The following NADSYN1 variants were observed in gnomAD, a reference collection of about 807,000 sequenced individuals.
The protein encoded by NADSYN1 is glutamine-dependent NAD(+) synthetase.
NADSYN1 carries 80 observed loss-of-function variants against 99.3 expected under a neutral mutation model. That is an observed-to-expected ratio of 0.81 (90% CI 0.67 to 0.97). NADSYN1 has a LOEUF of 0.97. NADSYN1 is among the 50% of genes least tolerant of loss of function. The probability of loss-of-function intolerance (pLI) is 0.00; values close to 1 mark genes in which losing one functional copy is unlikely to be tolerated. For missense variants in NADSYN1, 859 were observed against 948.5 expected, an observed-to-expected ratio of 0.91 and a Z score of 1.24; for synonymous variants, 385 against 372.1, an observed-to-expected ratio of 1.03 and a Z score of -0.40.
intron 3 of NADSYN1, chr11:71,460,592 TGTTG>T (rs1315605298): frequency 3.9e-5 from 6 of 152,330 alleles, no homozygotes; most frequent in Admixed American, 3.3e-4. Flanking sequence ...TTTTGCCTTT[TGTTG>T]GTTCATTTTT....
At chr11:71,493,236 A>G (rs1019835556) in intron 18 of NADSYN1, among the ~76,000 whole-genome samples, 6 of 152,096 alleles carry the variant, frequency 3.9e-5, no homozygotes, top group African/African-American at 1.4e-4. Flanking sequence ...CTCAGAATTT[A>G]AGGTTGCACT....
At position 71,477,287 on chromosome 11, in the gene NADSYN1, C is replaced by T. The variant is rs1279162779; in HGVS notation, c.799-1108C>T. On this transcript the variant is annotated intron_variant, in intron 9 of 20. Transcript: ENST00000319023. ...CACCTTCTCATGGAACGATCCTCGC[C>T]TTCCCTCATCTCCATTGTTTTATGG... 5 of 1,265,890 alleles carry T rather than the reference C, an allele frequency of 3.9e-6. No homozygotes were observed. In the Admixed American group the frequency reaches 1.2e-4, roughly 30 times the overall value. 78.4% of individuals were successfully genotyped at this position (1,265,890 alleles called of 1,614,324 possible). A position where few individuals can be genotyped will look rare whatever the true frequency, so the allele number is the denominator to read the frequency against.
Position 71,472,432 on chromosome 11 carries a change from G to A in NADSYN1, c.408-17G>A, listed in dbSNP as rs116121000. 1.0e-3 allele frequency: 1,626 copies of A among 1,600,942 alleles called. 14 individuals are homozygous for A. The African/African-American group carries it at 0.02, about 20-fold the overall frequency. ...CTGAGATGCTCATCCTCAGCTCCTCGGTGTTTTCCTCTCCAGGCACACAGA... is the reference window on the plus strand; with the variant it reads ...CTGAGATGCTCATCCTCAGCTCCTCAGTGTTTTCCTCTCCAGGCACACAGA... On this transcript the variant is annotated splice_polypyrimidine_tract_variant and intron_variant, in intron 5 of 20. Coordinates refer to ENST00000319023, the MANE Select transcript of NADSYN1 (RefSeq NM_018161.5).
At chr11:71,462,705 C>A (rs1949558309) in intron 3 of NADSYN1, among the ~76,000 whole-genome samples, 1 of 152,218 alleles carries the variant, frequency 6.6e-6, no homozygotes, top group Non-Finnish European at 1.5e-5. Context: ...TCCACACCAT[C>A]CACATTTGGT....
Position 71,481,961 on chromosome 11 carries a change from C to T in NADSYN1, c.1086C>T (p.Ser362=), listed in dbSNP as rs781762078. 8.7e-6 allele frequency: 14 copies of T among 1,606,454 alleles called. No individual in the cohort carries two copies. The Admixed American group carries it at 1.2e-4, about 14-fold the overall frequency. The change falls in exon 13 of 21, where the codon AGC becomes AGT. Residue 362 remains serine, a synonymous_variant. Transcript: ENST00000319023. The stretch of plus-strand genomic sequence containing the variant: ...TGCCCTTGAGTGGCGGGGTGGACAG[C>T]GCAGCCACCGCCTGCCTCATCTACT... ...FLLPLSGGVD[S]AATACLIYSM...
At chr11:71,474,926 C>T (rs909056352) in intron 9 of NADSYN1, 4 of 300,502 alleles carry the variant, frequency 1.3e-5, no homozygotes, top group African/African-American at 6.5e-5. Context: ...ACGAGTCCTG[C>T]GTTCCCACAG....
At chr11:71,483,702 G>A (rs1321596168) in intron 14 of NADSYN1, among the ~76,000 whole-genome samples, 2 of 152,166 alleles carry the variant, frequency 1.3e-5, no homozygotes, top group African/African-American at 4.8e-5. Flanking sequence ...TGTACTCAGA[G>A]GAATCAGAAA....
chr11:71,455,381 A>G (rs867314405), intron 2 of NADSYN1: 11 of 489,628 alleles, frequency 2.2e-5, no homozygotes, highest in Middle Eastern at 5.2e-4. Flanking sequence ...TGAGTAATTA[A>G]AAGAACTGAC....
intron 3 of NADSYN1, among the ~76,000 whole-genome samples, chr11:71,462,886 C>G (rs573837577): frequency 1.3e-5 from 2 of 152,322 alleles, no homozygotes; most frequent in South Asian, 2.1e-4. Flanking sequence ...CTCGAGTGCC[C>G]CCAGCCAGGC....
chr11:71,466,338 C>A (rs1949589389), intron 5 of NADSYN1, among the ~76,000 whole-genome samples: 1 of 152,224 alleles, frequency 6.6e-6, no homozygotes, highest in Non-Finnish European at 1.5e-5. Context: ...GACCTCAAGA[C>A]CACCCCTTTC....
At chr11:71,460,868 A>G (rs111775637) in intron 3 of NADSYN1, 1 of 152,218 alleles carries the variant, frequency 6.6e-6, no homozygotes, top group Non-Finnish European at 1.5e-5. Flanking sequence ...TTGGTGGTGC[A>G]CCATCCTTAG....
intron 9 of NADSYN1, chr11:71,475,086 A>G (rs923114547): frequency 6.0e-6 from 1 of 166,460 alleles, no homozygotes; most frequent in Admixed American, 5.5e-5. Flanking sequence ...GGTTTGTTTG[A>G]ATTCCGAGGG....
chr11:71,453,457 C>T, intron 1 of NADSYN1, 76 bp downstream of exon 1: 1 of 1,348,422 alleles, frequency 7.4e-7, no homozygotes, highest in South Asian at 1.2e-5. Flanking sequence ...TTGCCCGTGG[C>T]GTGCTCACAG....
chr11:71,473,809 T>C, intron 8 of NADSYN1, 123 bp downstream of exon 8: 2 of 784,000 alleles, frequency 2.6e-6, no homozygotes, highest in Non-Finnish European at 2.1e-6. Context: ...CTAGTAATTA[T>C]GGCCTGGACT....
intron 9 of NADSYN1, chr11:71,476,201 C>T (rs1393510626): frequency 1.9e-5 from 8 of 427,546 alleles, no homozygotes; most frequent in Admixed American, 5.2e-5. Context: ...CCACACACAG[C>T]ATTGCCTGAC....
At chr11:71,478,558 G>A (rs1001400454) in intron 10 of NADSYN1, 89 bp downstream of exon 10, 116 of 1,202,500 alleles carry the variant, frequency 9.6e-5, no homozygotes, top group Non-Finnish European at 4.6e-5. Context: ...AGGCCGTGAG[G>A]GTGCAGTGCC....
intron 14 of NADSYN1, among the ~76,000 whole-genome samples, chr11:71,483,401 C>T (rs112127150): frequency 2.6e-5 from 4 of 152,268 alleles, no homozygotes; most frequent in East Asian, 1.9e-4. Flanking sequence ...CCAGTGCAGG[C>T]TGCAGGTCGT....
At chr11:71,481,692 C>T (rs915832976) in intron 12 of NADSYN1, 7 of 601,204 alleles carry the variant, frequency 1.2e-5, no homozygotes, top group South Asian at 8.0e-5. Context: ...ATCTGCAGTT[C>T]GTCGGTGGAG....
chr11:71,491,724 C>G, intron 17 of NADSYN1, 110 bp from the exon 18 acceptor site: 1 of 964,122 alleles, frequency 1.0e-6, no homozygotes, highest in South Asian at 1.5e-5. Context: ...CCACGGTGAA[C>G]GGAGTGGCCG....
Sources: allele counts gnomAD v4.1 joint callset (sites outside exome capture counted in the v4.1 genomes callset), GRCh38; gene constraint gnomAD v4.1.1; transcripts MANE v1.5; gene names NCBI Gene and HGNC (gene_info 2026-07-23, HGNC 2026-07-21).